The following ST8SIA5 variants were observed in gnomAD, a reference collection of about 807,000 sequenced individuals.
ST8SIA5 encodes ST8 alpha-N-acetyl-neuraminide alpha-2,8-sialyltransferase 5.
Under a neutral mutation model 40.2 loss-of-function variants are expected in ST8SIA5, and 24 were observed. That is an observed-to-expected ratio of 0.60 (90% CI 0.43 to 0.84). The LOEUF is 0.84. Among genes scored for constraint, ST8SIA5 ranks in the 40% least tolerant of loss-of-function variants. ST8SIA5 has a pLI of 0.00. For synonymous variants in ST8SIA5, 198 were observed against 201.8 expected (o/e 0.98, Z 0.16); for missense variants, 465 against 498.5 (o/e 0.93, Z 0.64).
intron 2 of ST8SIA5, among the ~76,000 whole-genome samples, chr18:46,694,527 G>C (rs1464045326): frequency 6.6e-6 from 1 of 152,168 alleles, no homozygotes; most frequent in African/African-American, 2.4e-5. Flanking sequence ...GCATTCTGTA[G>C]CTGTTTGGGG....
At chr18:46,716,320 G>A (rs930108859) in intron 1 of ST8SIA5, among the ~76,000 whole-genome samples, 5 of 152,114 alleles carry the variant, frequency 3.3e-5, no homozygotes, top group African/African-American at 1.2e-4. Context: ...CACTTGGCTC[G>A]CTCTTCAGCC....
chr18:46,738,758 G>A (rs1043288818), intron 1 of ST8SIA5, among the ~76,000 whole-genome samples: 2 of 152,192 alleles, frequency 1.3e-5, no homozygotes, highest in African/African-American at 4.8e-5. Context: ...TCTCGGGGCA[G>A]TCGAACAGAA....
rs1008701988 is a variant in ST8SIA5 at position 46,695,180 on chromosome 18, C to G, written c.225-2925G>C. ...TCTCAAAAGAAAAAAAAAAAAAACC[C>G]TTTTTAAAAAAAGGGTTCATTTTGT... On this transcript the variant is annotated intron_variant, in intron 2 of 6. Coordinates refer to ENST00000315087, the MANE Select transcript of ST8SIA5 (RefSeq NM_013305.6). 2.6e-5 allele frequency among the ~76,000 whole-genome samples: 4 copies of G among 151,570 alleles called. 1 individual carries two copies. Among genetic ancestry groups the G allele is most frequent in the African/African-American group, 7.3e-5 (3 of 41,204 alleles).
At chr18:46,696,242 C>G (rs1362908243) in intron 2 of ST8SIA5, among the ~76,000 whole-genome samples, 1 of 152,188 alleles carries the variant, frequency 6.6e-6, no homozygotes, top group African/African-American at 2.4e-5. Context: ...CAAACCTCCC[C>G]TCTCAGGACC....
intron 1 of ST8SIA5, among the ~76,000 whole-genome samples, chr18:46,726,231 T>C (rs973730673): frequency 6.6e-6 from 1 of 150,856 alleles, no homozygotes; most frequent in African/African-American, 2.4e-5. Flanking sequence ...TGTAAAAAAA[T>C]TTAAAAAATA....
At chr18:46,746,302 G>A (rs925020379) in intron 1 of ST8SIA5, among the ~76,000 whole-genome samples, 10 of 152,142 alleles carry the variant, frequency 6.6e-5, no homozygotes, top group Non-Finnish European at 1.3e-4. Flanking sequence ...TGACATGATC[G>A]TATATTTAGA....
chr18:46,722,081 C>G (rs2039869545), intron 1 of ST8SIA5, among the ~76,000 whole-genome samples: 1 of 152,188 alleles, frequency 6.6e-6, no homozygotes, highest in Non-Finnish European at 1.5e-5. Flanking sequence ...GGACCTCCAC[C>G]AGACAGTGGA....
At chr18:46,709,259 A>G (rs1360528502) in intron 1 of ST8SIA5, among the ~76,000 whole-genome samples, 1 of 152,246 alleles carries the variant, frequency 6.6e-6, no homozygotes, top group Admixed American at 6.5e-5. Flanking sequence ...CTTATAAAAG[A>G]GGCTTCAAAC....
chr18:46,732,286 G>C (rs1023148027), intron 1 of ST8SIA5, among the ~76,000 whole-genome samples: 2 of 152,222 alleles, frequency 1.3e-5, no homozygotes, highest in Non-Finnish European at 2.9e-5. Context: ...CAGGCATAGA[G>C]TGGGAAGTTA....
At chr18:46,722,268 C>T (rs558087370) in intron 1 of ST8SIA5, among the ~76,000 whole-genome samples, 1 of 152,298 alleles carries the variant, frequency 6.6e-6, no homozygotes, top group South Asian at 2.1e-4. Flanking sequence ...CCTGTGAATT[C>T]CCATACCAGG....
intron 1 of ST8SIA5, chr18:46,721,332 C>G (rs1407488953): frequency 6.5e-7 from 1 of 1,531,806 alleles, no homozygotes; most frequent in Non-Finnish European, 8.7e-7. Flanking sequence ...GAGCTTCCCC[C>G]ACTCCCTGGC....
intron 2 of ST8SIA5, among the ~76,000 whole-genome samples, chr18:46,699,863 C>T (rs1475687432): frequency 6.6e-6 from 1 of 152,222 alleles, no homozygotes. Flanking sequence ...GTGAACACTG[C>T]AATGGCACAA....
intron 5 of ST8SIA5, among the ~76,000 whole-genome samples, chr18:46,684,988 C>T (rs1568249841): frequency 6.6e-6 from 1 of 152,022 alleles, no homozygotes; most frequent in East Asian, 1.9e-4. Flanking sequence ...GGGAACAGGA[C>T]CTGGAAGCGC....
intron 1 of ST8SIA5, among the ~76,000 whole-genome samples, chr18:46,732,336 GGAGTCCT>G (rs974577685): frequency 2.0e-5 from 3 of 152,208 alleles, no homozygotes; most frequent in African/African-American, 4.8e-5. Context: ...CTGGAACCCA[GGAGTCCT>G]GACTCCCAGT....
intron 1 of ST8SIA5, among the ~76,000 whole-genome samples, chr18:46,739,479 A>G (rs1341063177): frequency 6.6e-6 from 1 of 152,188 alleles, no homozygotes; most frequent in Non-Finnish European, 1.5e-5. Context: ...GGTTGCAGTG[A>G]GCTGAGATAG....
rs1425637407 is a variant in ST8SIA5 at position 46,669,706 on chromosome 18, C to A, written c.*10336G>T. The A allele has an allele frequency of 6.6e-6, 1 of 152,156 alleles. No individual in the cohort carries two copies. The highest frequency in any genetic ancestry group is 1.9e-4 in the East Asian group (1 of 5,156). The allele number at this position is 152,156 out of a possible 1,614,324, so 9.4% of individuals were successfully genotyped here. A position where few individuals can be genotyped will look rare whatever the true frequency, so the allele number is the denominator to read the frequency against. Reference sequence around the variant, plus strand: ...AGGTGGAAGGGGCTTGTCCCCCCACCACCTGCCCTTTTTTCTTAGGAGAGA... The same window carrying A: ...AGGTGGAAGGGGCTTGTCCCCCCACAACCTGCCCTTTTTTCTTAGGAGAGA... On this transcript the variant is annotated 3_prime_UTR_variant, in exon 7 of 7. Coordinates refer to ENST00000315087, the MANE Select transcript of ST8SIA5 (RefSeq NM_013305.6).
intron 1 of ST8SIA5, 50 bp downstream of exon 1, chr18:46,756,328 G>A: frequency 2.5e-6 from 4 of 1,599,252 alleles, no homozygotes; most frequent in Non-Finnish European, 3.4e-6. Context: ...GCCACCCGGG[G>A]GCTCGCCGGC....
intron 2 of ST8SIA5, among the ~76,000 whole-genome samples, chr18:46,693,212 C>T (rs770127573): frequency 3.9e-5 from 6 of 152,130 alleles, no homozygotes; most frequent in Admixed American, 1.3e-4. Context: ...TTCTCCCTCA[C>T]GTGCCCACCC....
intron 1 of ST8SIA5, among the ~76,000 whole-genome samples, chr18:46,725,548 G>A (rs909918029): frequency 2.6e-5 from 4 of 151,456 alleles, no homozygotes; most frequent in Non-Finnish European, 4.4e-5. Context: ...GGTGGGGGGG[G>A]AACAAGTTAC....
Sources: gnomAD v4.1 joint callset for allele counts (sites outside exome capture counted in the v4.1 genomes callset) on GRCh38, gnomAD v4.1.1 for gene constraint, MANE v1.5 for transcripts, NCBI Gene and HGNC (gene_info 2026-07-23, HGNC 2026-07-21) for gene names.